LHX2: variants seen among roughly 807,000 people sequenced by gnomAD.
LHX2 encodes LIM homeobox 2, also known as LIM/homeobox protein Lhx2.
A neutral mutation model predicts 33.0 loss-of-function variants in LHX2; 6 were observed. That is an observed-to-expected ratio of 0.18 (90% CI 0.10 to 0.36). LHX2 has a LOEUF of 0.36. Among genes scored for constraint, LHX2 ranks in the 10% least tolerant of loss-of-function variants. LHX2 has a pLI of 1.00. For synonymous variants in LHX2, 292 were observed against 253.1 expected, an observed-to-expected ratio of 1.15 and a Z score of -1.46; for missense variants, 442 against 586.2, an observed-to-expected ratio of 0.75 and a Z score of 2.54.
chr9:124,018,961 A>G (rs1859245209), intron 3 of LHX2, among the ~76,000 whole-genome samples: 1 of 152,200 alleles, frequency 6.6e-6, no homozygotes, highest in African/African-American at 2.4e-5. Context: ...GCTCATTAAC[A>G]GCAGCCAGGC....
At position 124,016,307 on chromosome 9, in the gene LHX2, C is replaced by G. The variant is rs1276836551; in HGVS notation, c.727+782C>G. On this transcript the variant is annotated intron_variant, in intron 3 of 4. Coordinates refer to ENST00000373615, the MANE Select transcript of LHX2 (RefSeq NM_004789.4). The surrounding 1 kb of genome is among the most constrained non-coding windows in gnomAD (Gnocchi z 4.4). ...GAACCCCAGGCCATTCCCGGAGAAG[C>G]TCTGCCCCCTCCCGCGCCCCTCCCT... is the stretch of plus-strand genomic sequence containing the variant. Among the ~76,000 whole-genome samples, 3 of 152,172 alleles carry G rather than the reference C, an allele frequency of 2.0e-5. No homozygotes were observed. The highest frequency in any genetic ancestry group is 2.4e-5 in the African/African-American group (1 of 41,444).
intron 4 of LHX2, among the ~76,000 whole-genome samples, chr9:124,022,190 G>C (rs1480411525): frequency 1.3e-5 from 2 of 152,152 alleles, no homozygotes; most frequent in Non-Finnish European, 2.9e-5. Context: ...TCTTAGGCAA[G>C]TCACTTGACT....
Position 124,032,917 on chromosome 9 carries a change from A to G in LHX2, c.*210A>G. 2.0e-6 allele frequency: 1 copy of G among 497,000 alleles called. No homozygotes were observed. The highest frequency in any genetic ancestry group is 3.5e-6 in the Non-Finnish European group (1 of 286,866). The allele number at this position is 497,000 out of a possible 1,614,324, so 30.8% of individuals were successfully genotyped here. A position where few individuals can be genotyped will look rare whatever the true frequency, so the allele number is the denominator to read the frequency against. On this transcript the variant is annotated 3_prime_UTR_variant, in exon 5 of 5. Coordinates refer to ENST00000373615, the MANE Select transcript of LHX2 (RefSeq NM_004789.4). This position sits in a 1 kb window ranked among gnomAD's most constrained non-coding sequence, Gnocchi z 4.1. ...ACTTGGAAGATCTACCTGCAACACA[A>G]CATTTGTGTCACTGTACAGTTTTGT...
chr9:124,015,229 C>A lies in LHX2; in HGVS notation c.431C>A (p.Thr144Asn). 6.2e-7 allele frequency: 1 copy of A among 1,614,192 alleles called. No individual in the cohort carries two copies. The highest frequency in any genetic ancestry group is 1.1e-5 in the South Asian group (1 of 91,090). ...LVYHLNCFTC[T>N]TCNKMLTTGD... ...TATCACCTCAACTGCTTCACGTGCACCACGTGTAACAAGATGCTGACCACG... is the reference window on the plus strand; with the variant it reads ...TATCACCTCAACTGCTTCACGTGCAACACGTGTAACAAGATGCTGACCACG... Residue 144 changes from threonine (T) to asparagine (N), a missense_variant, in exon 3 of 5, where the codon ACC (threonine) becomes AAC (asparagine). Thr to Asn is a moderately conservative substitution (Grantham distance 65). Coordinates refer to ENST00000373615, the MANE Select transcript of LHX2 (RefSeq NM_004789.4). This position sits in a 1 kb window ranked among gnomAD's most constrained non-coding sequence, Gnocchi z 7.9.
intron 3 of LHX2, among the ~76,000 whole-genome samples, chr9:124,019,224 G>C (rs571083878): frequency 6.6e-6 from 1 of 152,322 alleles, no homozygotes; most frequent in South Asian, 2.1e-4. Context: ...CCGGTGGAAA[G>C]AGGCCCCTAG....
In LHX2 at chr9:124,014,342, C is replaced by A. The variant is rs921234132; in HGVS notation, c.323+179C>A. Among the ~76,000 whole-genome samples, 1 of 151,694 alleles carries A rather than the reference C, an allele frequency of 6.6e-6. No individual in the cohort carries two copies. Among genetic ancestry groups the A allele is most frequent in the Non-Finnish European group, 1.5e-5 (1 of 67,996 alleles). ...GTTGGGTGATAACCTTTTAAAGCAG[C>A]AATTTGGGGAGCTCTTGGAAAGGTC... On this transcript the variant is annotated intron_variant, in intron 2 of 4. Coordinates refer to ENST00000373615, the MANE Select transcript of LHX2 (RefSeq NM_004789.4). This position sits in a 1 kb window ranked among gnomAD's most constrained non-coding sequence, Gnocchi z 4.8.
At chr9:124,030,606 G>A (rs1263629647) in intron 4 of LHX2, among the ~76,000 whole-genome samples, 1 of 149,480 alleles carries the variant, frequency 6.7e-6, no homozygotes, top group Non-Finnish European at 1.5e-5. Context: ...TGGCTGTGTA[G>A]ATGAATTTCA....
At chr9:124,020,947 T>C (rs1240344714) in intron 3 of LHX2, 152 bp from the exon 4 acceptor site, 2 of 686,164 alleles carry the variant, frequency 2.9e-6, no homozygotes, top group African/African-American at 3.6e-5. Context: ...TGTTTCCATC[T>C]ATAAAATGGG....
rs149480814 is a variant in LHX2 at position 124,026,014 on chromosome 9, G to T, written c.933+4710G>T. On this transcript the variant is annotated intron_variant, in intron 4 of 4. Coordinates refer to ENST00000373615, the MANE Select transcript of LHX2 (RefSeq NM_004789.4). The stretch of plus-strand genomic sequence containing the variant: ...ATAAATAAATAAATAGCATCTTTCA[G>T]GTGACTAGTTAGTTATTACTAACCT... Among the ~76,000 whole-genome samples the T allele has an allele frequency of 2.6e-3, 394 of 152,198 alleles. 1 individual carries two copies. Among genetic ancestry groups the T allele is most frequent in the African/African-American group, 9.1e-3 (379 of 41,512 alleles).
At position 124,032,884 on chromosome 9, in the gene LHX2, G is replaced by A. The variant is rs757817541; in HGVS notation, c.*177G>A. 55 of 601,338 alleles carry A rather than the reference G, an allele frequency of 9.1e-5. 1 individual carries two copies. In the East Asian group the frequency reaches 1.4e-3, roughly 16 times the overall value. The allele number at this position is 601,338 out of a possible 1,614,324, so 37.3% of individuals were successfully genotyped here. On this transcript the variant is annotated 3_prime_UTR_variant, in exon 5 of 5. Coordinates refer to ENST00000373615, the MANE Select transcript of LHX2 (RefSeq NM_004789.4). The surrounding 1 kb of genome is among the most constrained non-coding windows in gnomAD (Gnocchi z 4.1). ...CCCGGCTAATGCAGCGGTGTGGACCGAGGAACAACTTGGAAGATCTACCTG... is the reference window on the plus strand; with the variant it reads ...CCCGGCTAATGCAGCGGTGTGGACCAAGGAACAACTTGGAAGATCTACCTG...
At position 124,013,957 on chromosome 9, in the gene LHX2, G is replaced by T. The variant is rs757272719; in HGVS notation, c.121-4G>T. 7 of 1,611,208 alleles carry T rather than the reference G, an allele frequency of 4.3e-6. No homozygotes were observed. The highest frequency in any genetic ancestry group is 5.1e-6 in the Non-Finnish European group (6 of 1,179,114). On this transcript the variant is annotated splice_polypyrimidine_tract_variant and splice_region_variant and intron_variant, in intron 1 of 4. Coordinates refer to ENST00000373615, the MANE Select transcript of LHX2 (RefSeq NM_004789.4). Reference sequence around the variant, plus strand: ...TGCTGTCTTCCGCCTCCCTCCCTTCGCAGACCATGCCGTCCATCAGCAGTG... The same window carrying T: ...TGCTGTCTTCCGCCTCCCTCCCTTCTCAGACCATGCCGTCCATCAGCAGTG...
In LHX2 at chr9:124,015,533, C is replaced by T. The variant is rs1213832272; in HGVS notation, c.727+8C>T. ...TGGCGGCCTACAACGCTGGTGAGTG[C>T]GCGGCGCACGAAGCGCCCCCATAGG... On this transcript the variant is annotated splice_region_variant and intron_variant, in intron 3 of 4. Coordinates refer to ENST00000373615, the MANE Select transcript of LHX2 (RefSeq NM_004789.4). This position sits in a 1 kb window ranked among gnomAD's most constrained non-coding sequence, Gnocchi z 7.9. The T allele has an allele frequency of 2.8e-6, 4 of 1,454,330 alleles. No homozygotes were observed. The South Asian group carries it at 4.4e-5, about 16-fold the overall frequency. The allele number at this position is 1,454,330 out of a possible 1,614,324, so 90.1% of individuals were successfully genotyped here. A position where few individuals can be genotyped will look rare whatever the true frequency, so the allele number is the denominator to read the frequency against.
In LHX2 at chr9:124,032,184, G is replaced by A. The variant is rs1828710880; in HGVS notation, c.934-236G>A. 1 of 475,388 alleles carries A rather than the reference G, an allele frequency of 2.1e-6. No individual in the cohort carries two copies. The highest frequency in any genetic ancestry group is 3.5e-5 in the East Asian group (1 of 28,518). 29.4% of individuals were successfully genotyped at this position (475,388 alleles called of 1,614,324 possible). A position where few individuals can be genotyped will look rare whatever the true frequency, so the allele number is the denominator to read the frequency against. On this transcript the variant is annotated intron_variant, in intron 4 of 4. Transcript: ENST00000373615. The surrounding 1 kb of genome is among the most constrained non-coding windows in gnomAD (Gnocchi z 4.1). ...TTGATCCCAGGAGTTAGAAGCTGCA[G>A]TGAGTCGAGATTGTGTCACTGCACT...
At position 124,021,099 on chromosome 9, in the gene LHX2, C is replaced by G. The variant is rs560527359; in HGVS notation, c.728C>G (p.Ala243Gly). Residue 243 changes from alanine to glycine, a missense_variant and splice_region_variant, in exon 4 of 5, where the codon GCG (alanine) becomes GGG (glycine). Physicochemically the swap from Ala to Gly is moderately conservative, Grantham distance 60. Around this residue, in one of 5 missense-constraint regions of LHX2, gnomAD observed 132 missense variants for 139.1 expected, o/e 0.95. Coordinates refer to ENST00000373615, the MANE Select transcript of LHX2 (RefSeq NM_004789.4). The part of the protein sequence containing the change: ...PGADLAAYNA[A>G]LSCNENDAEH... Reference sequence around the variant, plus strand: ...CACCGGCTCTGTGTCTCCTCCCTAGCGCTAAGCTGCAACGAAAACGACGCA... The same window carrying G: ...CACCGGCTCTGTGTCTCCTCCCTAGGGCTAAGCTGCAACGAAAACGACGCA... The G allele has an allele frequency of 2.5e-6, 4 of 1,613,994 alleles. No individual in the cohort carries two copies. The highest frequency in any genetic ancestry group is 1.6e-4 in the Middle Eastern group (1 of 6,062).
At position 124,015,861 on chromosome 9, in the gene LHX2, A is replaced by T. The variant is rs1859180752; in HGVS notation, c.727+336A>T. ...GAGAAAGCAAGGCGGCGCTGACGCC[A>T]AACAGGTTTTGGGTTGGCGCGGCTG... On this transcript the variant is annotated intron_variant, in intron 3 of 4. Transcript: ENST00000373615. This position sits in a 1 kb window ranked among gnomAD's most constrained non-coding sequence, Gnocchi z 7.9. 6.6e-6 allele frequency among the ~76,000 whole-genome samples: 1 copy of T among 152,224 alleles called. No homozygotes were observed.
chr9:124,015,330 C>T lies in LHX2; in HGVS notation c.532C>T (p.Pro178Ser). 1.9e-6 allele frequency: 3 copies of T among 1,613,778 alleles called. No homozygotes were observed. Among genetic ancestry groups the T allele is most frequent in the Non-Finnish European group, 2.5e-6 (3 of 1,180,016 alleles). Residue 178 changes from proline to serine, a missense_variant, in exon 3 of 5, where the codon CCC becomes TCC. By Grantham distance (74) the Pro-to-Ser change is moderately conservative. Coordinates refer to ENST00000373615, the MANE Select transcript of LHX2 (RefSeq NM_004789.4). The surrounding 1 kb of genome is among the most constrained non-coding windows in gnomAD (Gnocchi z 7.9). ...HFEALLQGEY[P>S]AHFNHADVAA... is the part of the protein sequence containing the mutation. Reference sequence around the variant, plus strand: ...CGAGGCGCTGCTGCAGGGCGAGTACCCCGCACACTTCAACCATGCCGACGT... The same window carrying T: ...CGAGGCGCTGCTGCAGGGCGAGTACTCCGCACACTTCAACCATGCCGACGT...
In LHX2 at chr9:124,032,908, T is replaced by A; in HGVS notation, c.*201T>A. On this transcript the variant is annotated 3_prime_UTR_variant, in exon 5 of 5. Transcript: ENST00000373615. The surrounding 1 kb of genome is among the most constrained non-coding windows in gnomAD (Gnocchi z 4.1). ...CGAGGAACAACTTGGAAGATCTACC[T>A]GCAACACAACATTTGTGTCACTGTA... 1.9e-6 allele frequency: 1 copy of A among 515,682 alleles called. No homozygotes were observed. The highest frequency in any genetic ancestry group is 3.3e-6 in the Non-Finnish European group (1 of 299,302). The allele number at this position is 515,682 out of a possible 1,614,324, so 31.9% of individuals were successfully genotyped here.
intron 4 of LHX2, among the ~76,000 whole-genome samples, chr9:124,025,719 C>A (rs1270911182): frequency 6.6e-6 from 1 of 152,160 alleles, no homozygotes. Flanking sequence ...TGTGGTGGCT[C>A]ACACTTATAA....
chr9:124,014,980 T>TC lies in LHX2; in HGVS notation c.324-135dup, dbSNP rs200896188. The TC allele has an allele frequency of 2.4e-3, 2,065 of 851,788 alleles. 29 individuals carry two copies. The African/African-American group carries it at 0.032, about 13-fold the overall frequency. The allele number at this position is 851,788 out of a possible 1,614,324, so 52.8% of individuals were successfully genotyped here. A position where few individuals can be genotyped will look rare whatever the true frequency, so the allele number is the denominator to read the frequency against. On this transcript the variant is annotated intron_variant, in intron 2 of 4. Transcript: ENST00000373615. The surrounding 1 kb of genome is among the most constrained non-coding windows in gnomAD (Gnocchi z 4.8). The stretch of plus-strand genomic sequence containing the variant: ...GCCTGGGTCAAAATCTAGTTCTCTC[T>TC]CCCCCCCATCCTCCAAATAAAGGCC...
Sources: gnomAD v4.1 joint callset for allele counts (sites outside exome capture counted in the v4.1 genomes callset) on GRCh38, gnomAD v4.1.1 for gene constraint, gnomAD v4.1.1 regional missense constraint, Gnocchi (gnomAD v3.1) non-coding constraint, MANE v1.5 for transcripts, NCBI Gene and HGNC (gene_info 2026-07-23, HGNC 2026-07-21) for gene names.